The following FBN3 variants were observed in gnomAD, a reference collection of about 807,000 sequenced individuals.
FBN3 encodes fibrillin 3.
In FBN3, 234 loss-of-function variants were observed where a neutral mutation model predicts 330.1. The observed-to-expected ratio is 0.71, with a 90% CI of 0.64 to 0.79. The LOEUF is 0.79. Ranked by LOEUF, FBN3 falls within the 30% of genes least tolerant of loss-of-function variation. The pLI, the probability that FBN3 is intolerant of heterozygous loss-of-function variation, is 0.00. For synonymous variants in FBN3, 1,458 were observed against 1,517.3 expected (o/e 0.96, Z 0.91); for missense variants, 3,606 against 3,886.9 (o/e 0.93, Z 1.92).
chr19:8,102,416 C>G (rs1163418112), intron 40 of FBN3, among the ~76,000 whole-genome samples: 1 of 151,956 alleles, frequency 6.6e-6, no homozygotes, highest in African/African-American at 2.4e-5. Flanking sequence ...CAGGGTTTCA[C>G]TGTGTTGGCC....
intron 57 of FBN3, among the ~76,000 whole-genome samples, chr19:8,082,610 C>T (rs2081829910): frequency 1.3e-5 from 2 of 152,148 alleles, no homozygotes; most frequent in South Asian, 4.2e-4. Context: ...TCTCCTGCCT[C>T]AGCCTCCCGC....
At chr19:8,075,896 C>T (rs551489713) in intron 59 of FBN3, among the ~76,000 whole-genome samples, 5 of 152,226 alleles carry the variant, frequency 3.3e-5, no homozygotes, top group East Asian at 3.9e-4. Context: ...TGAGGTCAGC[C>T]GGTGCCATGG....
chr19:8,125,524 C>T (rs745311793), intron 22 of FBN3, among the ~76,000 whole-genome samples: 1 of 152,172 alleles, frequency 6.6e-6, no homozygotes, highest in Non-Finnish European at 1.5e-5. Flanking sequence ...GGCGTGGTGG[C>T]TCACGCCTGT....
chr19:8,122,268 G>A (rs996927470), intron 24 of FBN3, among the ~76,000 whole-genome samples: 1 of 151,958 alleles, frequency 6.6e-6, no homozygotes, highest in Admixed American at 6.6e-5. Context: ...CTCCCACCTT[G>A]GCCTCCAAAA....
At chr19:8,114,841 A>C (rs2082671888) in intron 30 of FBN3, among the ~76,000 whole-genome samples, 1 of 151,726 alleles carries the variant, frequency 6.6e-6, no homozygotes, top group Non-Finnish European at 1.5e-5. Flanking sequence ...TCCTGGGTTC[A>C]CGCCATTCTC....
At chr19:8,087,316 CT>C in intron 53 of FBN3, 105 bp from the exon 54 acceptor site, 1 of 1,253,692 alleles carries the variant, frequency 8.0e-7, no homozygotes, top group Non-Finnish European at 1.1e-6. Flanking sequence ...AGTGAGTTCC[CT>C]GCAGACCCTG....
At position 8,109,793 on chromosome 19, in the gene FBN3, C is replaced by T; in HGVS notation, c.4334-40G>A. 4 of 1,442,532 alleles carry T rather than the reference C, an allele frequency of 2.8e-6. No individual in the cohort carries two copies. Among genetic ancestry groups the T allele is most frequent in the Non-Finnish European group, 2.7e-6 (3 of 1,096,362 alleles). 89.4% of individuals were successfully genotyped at this position (1,442,532 alleles called of 1,614,324 possible). On this transcript the variant is annotated intron_variant, in intron 34 of 63. Coordinates refer to ENST00000600128, the MANE Select transcript of FBN3 (RefSeq NM_032447.5). This position sits in a 1 kb window ranked among gnomAD's most constrained non-coding sequence, Gnocchi z 5.2. Reference sequence around the variant, plus strand: ...CGCGGTCCTCAGCAGGGAGCCCCTTCCTCGGCCCCCCTCCCTCCTAGCTTC... The same window carrying T: ...CGCGGTCCTCAGCAGGGAGCCCCTTTCTCGGCCCCCCTCCCTCCTAGCTTC...
chr19:8,101,817 T>C (rs1599343556), intron 40 of FBN3, among the ~76,000 whole-genome samples: 1 of 152,244 alleles, frequency 6.6e-6, no homozygotes, highest in Admixed American at 6.5e-5. Context: ...GAAAACTCCA[T>C]TGATCCATCC....
rs549813250 is a variant in FBN3, at chr19:8,137,049, A to AACCTGGG, written c.1202-525_1202-519dup. Among the ~76,000 whole-genome samples the AACCTGGG allele has an allele frequency of 6.2e-4, 89 of 143,880 alleles. 1 individual carries two copies. The highest frequency in any genetic ancestry group is 2.0e-3 in the African/African-American group (77 of 37,934). The allele number at this position is 143,880 out of a possible 152,430, so 94.4% of individuals were successfully genotyped here. On this transcript the variant is annotated intron_variant, in intron 10 of 63. Transcript: ENST00000600128. ...TCCAAACTGGCACCTCGATCCCTTCAACCTGGGACCTGGATCCCTCCAACC... is the reference window on the plus strand; with the variant it reads ...TCCAAACTGGCACCTCGATCCCTTCAACCTGGGACCTGGGACCTGGATCCCTCCAACC...
At chr19:8,122,703 C>T (rs533971672) in intron 24 of FBN3, among the ~76,000 whole-genome samples, 3 of 149,788 alleles carry the variant, frequency 2.0e-5, no homozygotes, top group South Asian at 2.1e-4. Flanking sequence ...GAGTCTCTGT[C>T]GCCCAGGCTG....
intron 25 of FBN3, among the ~76,000 whole-genome samples, chr19:8,120,177 T>G (rs2082810698): frequency 6.7e-6 from 1 of 149,354 alleles, no homozygotes. Flanking sequence ...TTTTTTTTTT[T>G]TTTTAATTTG....
chr19:8,136,361 C>G (rs762920670), intron 11 of FBN3, 27 bp downstream of exon 11: 2 of 1,609,482 alleles, frequency 1.2e-6, no homozygotes, highest in South Asian at 1.1e-5. Flanking sequence ...TGAGAACCGC[C>G]CCCCCTTCCA....
At chr19:8,135,936 G>GGGCAACCC in intron 13 of FBN3, 25 bp downstream of exon 13, 1 of 668,778 alleles carries the variant, frequency 1.5e-6, no homozygotes, top group Admixed American at 2.9e-5. Context: ...GGAAGCCCCT[G>GGGCAACCC]CCCACCCGCC....
intron 54 of FBN3, 140 bp from the exon 55 acceptor site, chr19:8,086,465 A>ATT (rs369311659): frequency 5.9e-5 from 17 of 287,496 alleles, no homozygotes; most frequent in African/African-American, 1.2e-4. Context: ...TATTATTATT[A>ATT]TTATTTTTTG....
intron 38 of FBN3, among the ~76,000 whole-genome samples, chr19:8,105,897 A>G (rs372425925): frequency 3.9e-5 from 6 of 152,182 alleles, no homozygotes; most frequent in Admixed American, 3.9e-4. Flanking sequence ...TAAAGGGTCT[A>G]TCTACCATCC....
intron 10 of FBN3, among the ~76,000 whole-genome samples, chr19:8,137,915 G>A (rs183719238): frequency 5.3e-5 from 8 of 152,178 alleles, no homozygotes; most frequent in Admixed American, 3.3e-4. Flanking sequence ...GGCATGAGTC[G>A]CTGTGTCCAG....
intron 46 of FBN3, among the ~76,000 whole-genome samples, chr19:8,095,038 C>G (rs2082180586): frequency 6.6e-6 from 1 of 152,072 alleles, no homozygotes; most frequent in Admixed American, 6.6e-5. Flanking sequence ...GTGGTGTGAT[C>G]ATAGCTCACT....
Position 8,149,241 on chromosome 19 carries a change from G to C in FBN3, c.-18+208C>G, listed in dbSNP as rs1302681885. Among the ~76,000 whole-genome samples the C allele has an allele frequency of 6.6e-6, 1 of 151,444 alleles. No homozygotes were observed. Among genetic ancestry groups the C allele is most frequent in the African/African-American group, 2.4e-5 (1 of 41,270 alleles). The stretch of plus-strand genomic sequence containing the variant: ...GTCAGGGGCCCCGCGCCCCGGCCGA[G>C]CCCCTCCCGCCGGGTCCCCGCGCCC... On this transcript the variant is annotated intron_variant, in intron 1 of 63. Coordinates refer to ENST00000600128, the MANE Select transcript of FBN3 (RefSeq NM_032447.5). The surrounding 1 kb of genome is among the most constrained non-coding windows in gnomAD (Gnocchi z 5.5).
At chr19:8,116,256 C>T (rs917348419) in intron 29 of FBN3, among the ~76,000 whole-genome samples, 1 of 152,152 alleles carries the variant, frequency 6.6e-6, no homozygotes, top group Non-Finnish European at 1.5e-5. Context: ...GTGAGGACAG[C>T]AGTCGCCACC....
Sources: allele counts gnomAD v4.1 joint callset (sites outside exome capture counted in the v4.1 genomes callset), GRCh38; gene constraint gnomAD v4.1.1; non-coding constraint Gnocchi (gnomAD v3.1); transcripts MANE v1.5; gene names NCBI Gene and HGNC (gene_info 2026-07-23, HGNC 2026-07-21).